The following SLC14A2 variants were observed in gnomAD, a reference collection of about 807,000 sequenced individuals.
SLC14A2 encodes the protein solute carrier family 14 member 2.
In SLC14A2, 91 loss-of-function variants were observed where a neutral mutation model predicts 104.6. That is an observed-to-expected ratio of 0.87 (90% CI 0.73 to 1.04). The LOEUF is 1.04. SLC14A2 is among the 50% of genes least tolerant of loss of function. The probability of loss-of-function intolerance (pLI) is 0.00; values close to 1 mark genes in which losing one functional copy is unlikely to be tolerated. For missense variants in SLC14A2, 1,189 were observed against 1,156.0 expected (o/e 1.03, Z -0.41); for synonymous variants, 476 against 466.4 (o/e 1.02, Z -0.27).
intron 1 of SLC14A2, among the ~76,000 whole-genome samples, chr18:45,346,714 G>A (rs1456835558): frequency 6.6e-6 from 1 of 151,992 alleles, no homozygotes; most frequent in Non-Finnish European, 1.5e-5. Context: ...GATCACATGA[G>A]GTCACGAGTT....
chr18:45,237,469 G>T (rs2084267203), intron 1 of SLC14A2, among the ~76,000 whole-genome samples: 1 of 152,166 alleles, frequency 6.6e-6, no homozygotes, highest in Non-Finnish European at 1.5e-5. Flanking sequence ...TAGTTCTCTA[G>T]TCGGCACAGC....
intron 2 of SLC14A2, among the ~76,000 whole-genome samples, chr18:45,537,088 A>G (rs533791481): frequency 7.9e-6 from 1 of 126,276 alleles, no homozygotes; most frequent in African/African-American, 3.1e-5. Context: ...CCTTCCTTCA[A>G]CAAATATTTA....
At chr18:45,260,525 C>T (rs2084524998) in intron 1 of SLC14A2, among the ~76,000 whole-genome samples, 1 of 152,140 alleles carries the variant, frequency 6.6e-6, no homozygotes, top group Admixed American at 6.5e-5. Flanking sequence ...TTCATTGCAG[C>T]ACTATTCACA....
At chr18:45,530,979 T>C (rs1490702624) in intron 2 of SLC14A2, among the ~76,000 whole-genome samples, 2 of 152,188 alleles carry the variant, frequency 1.3e-5, no homozygotes, top group African/African-American at 4.8e-5. Flanking sequence ...GATAGTTTGC[T>C]GAGAATGATG....
chr18:45,534,161 G>A (rs2043744022), intron 2 of SLC14A2, among the ~76,000 whole-genome samples: 1 of 152,044 alleles, frequency 6.6e-6, no homozygotes, highest in Admixed American at 6.6e-5. Flanking sequence ...TTTTGGACGT[G>A]GGAGAGACCT....
intron 1 of SLC14A2, among the ~76,000 whole-genome samples, chr18:45,339,031 G>C (rs904012060): frequency 1.3e-5 from 2 of 152,042 alleles, no homozygotes; most frequent in Non-Finnish European, 2.9e-5. Flanking sequence ...CCTCCTCCGG[G>C]GTTCAAGCAA....
At chr18:45,521,930 G>C (rs1256684738) in intron 2 of SLC14A2, among the ~76,000 whole-genome samples, 1 of 152,158 alleles carries the variant, frequency 6.6e-6, no homozygotes, top group African/African-American at 2.4e-5. Flanking sequence ...TGGGGTAACT[G>C]GCCTTAGACA....
chr18:45,658,908 C>T (rs1051873721), intron 10 of SLC14A2, among the ~76,000 whole-genome samples: 2 of 152,072 alleles, frequency 1.3e-5, no homozygotes, highest in Non-Finnish European at 2.9e-5. Flanking sequence ...CTGTTCTTTC[C>T]TTCTCTGAGT....
intron 2 of SLC14A2, among the ~76,000 whole-genome samples, chr18:45,551,231 A>C (rs2044051237): frequency 6.6e-6 from 1 of 152,220 alleles, no homozygotes; most frequent in Non-Finnish European, 1.5e-5. Context: ...TTTTAAAAAA[A>C]AGAACTCCAG....
intron 2 of SLC14A2, among the ~76,000 whole-genome samples, chr18:45,565,002 T>C (rs1414512692): frequency 6.6e-6 from 1 of 152,154 alleles, no homozygotes; most frequent in Non-Finnish European, 1.5e-5. Context: ...AGGTGGAACT[T>C]GAACTGGATA....
At chr18:45,425,594 C>G (rs2086413100) in intron 1 of SLC14A2, among the ~76,000 whole-genome samples, 1 of 152,168 alleles carries the variant, frequency 6.6e-6, no homozygotes, top group South Asian at 2.1e-4. Context: ...CATGTCTGCT[C>G]TGGGAGAGGA....
intron 2 of SLC14A2, among the ~76,000 whole-genome samples, chr18:45,487,975 C>T (rs1295866352): frequency 1.3e-5 from 2 of 152,120 alleles, no homozygotes; most frequent in African/African-American, 2.4e-5. Flanking sequence ...CAAATAATCA[C>T]AGCTACTTCT....
intron 1 of SLC14A2, among the ~76,000 whole-genome samples, chr18:45,225,660 T>G (rs2084108228): frequency 6.6e-6 from 1 of 152,182 alleles, no homozygotes. Context: ...TGTCCTCTTT[T>G]ATTTCGTTGA....
At chr18:45,641,719 C>T (rs1212659988) in intron 8 of SLC14A2, among the ~76,000 whole-genome samples, 1 of 152,202 alleles carries the variant, frequency 6.6e-6, no homozygotes, top group Admixed American at 6.5e-5. Context: ...GTGACTACAT[C>T]CTCATGAAGC....
intron 1 of SLC14A2, among the ~76,000 whole-genome samples, chr18:45,428,817 G>A (rs1403386694): frequency 6.6e-6 from 1 of 152,182 alleles, no homozygotes; most frequent in Non-Finnish European, 1.5e-5. Flanking sequence ...TTTGAGTTCT[G>A]TTTAATAAGT....
At chr18:45,408,270 C>CT (rs1215906357) in intron 1 of SLC14A2, among the ~76,000 whole-genome samples, 1 of 152,128 alleles carries the variant, frequency 6.6e-6, no homozygotes, top group East Asian at 1.9e-4. Context: ...TGGGGTAATT[C>CT]TGGGAAAGAA....
chr18:45,469,855 C>T (rs902589446), intron 1 of SLC14A2, among the ~76,000 whole-genome samples: 11 of 152,254 alleles, frequency 7.2e-5, no homozygotes, highest in African/African-American at 2.6e-4. Flanking sequence ...GAGAAGTAGG[C>T]AGGGACACAT....
intron 1 of SLC14A2, among the ~76,000 whole-genome samples, chr18:45,405,730 C>G (rs965944277): frequency 6.6e-6 from 1 of 151,884 alleles, no homozygotes; most frequent in African/African-American, 2.4e-5. Context: ...AACCCTGTCT[C>G]TAGTAAAAAT....
chr18:45,503,688 C>A (rs1054004695), intron 2 of SLC14A2, among the ~76,000 whole-genome samples: 5 of 152,148 alleles, frequency 3.3e-5, no homozygotes, highest in Non-Finnish European at 7.4e-5. Context: ...GGTGGGCAGA[C>A]CCTATTGATA....
Sources: gnomAD v4.1 joint callset for allele counts (sites outside exome capture counted in the v4.1 genomes callset) on GRCh38, gnomAD v4.1.1 for gene constraint, MANE v1.5 for transcripts, NCBI Gene and HGNC (gene_info 2026-07-23, HGNC 2026-07-21) for gene names.